Variants in PTPRN2 observed in about 807,000 individuals in gnomAD.
PTPRN2 encodes protein tyrosine phosphatase receptor type N2.
In PTPRN2, 74 loss-of-function variants were observed where a neutral mutation model predicts 118.8. That is an observed-to-expected ratio of 0.62 (90% confidence interval 0.52 to 0.76). The LOEUF is 0.76. Ranked by LOEUF, PTPRN2 falls within the 30% of genes least tolerant of loss-of-function variation. The pLI is 0.00. For missense variants in PTPRN2, 1,481 were observed against 1,394.4 expected (o/e 1.06, Z -0.99); for synonymous variants, 641 against 608.0 (o/e 1.05, Z -0.80).
At chr7:157,733,881 T>C (rs866001509) in intron 12 of PTPRN2, among the ~76,000 whole-genome samples, 14 of 35,430 alleles carry the variant, frequency 4.0e-4, no homozygotes, top group Admixed American at 5.4e-4. Context: ...CTCTTTTCCG[T>C]CCCATGCGCC....
intron 3 of PTPRN2, among the ~76,000 whole-genome samples, chr7:158,206,306 A>C (rs910985398): frequency 4.6e-5 from 7 of 152,286 alleles, no homozygotes; most frequent in African/African-American, 1.7e-4. Context: ...CTCCCAGGTG[A>C]CATTTCTAGA....
chr7:158,019,710 C>T (rs1447409931), intron 11 of PTPRN2, among the ~76,000 whole-genome samples: 1 of 152,090 alleles, frequency 6.6e-6, no homozygotes, highest in Admixed American at 6.5e-5. Flanking sequence ...GGGCTGTGTC[C>T]CCTCCAAGTC....
At chr7:158,288,591 C>T (rs141340343) in intron 3 of PTPRN2, among the ~76,000 whole-genome samples, 2,267 of 152,238 alleles carry the variant, frequency 0.015, 68 homozygotes, top group African/African-American at 0.05. Flanking sequence ...ACCCACCCCA[C>T]GCATAAACTT....
intron 13 of PTPRN2, among the ~76,000 whole-genome samples, chr7:157,681,518 C>T (rs1269303853): frequency 2.0e-5 from 3 of 152,220 alleles, no homozygotes; most frequent in Admixed American, 6.5e-5. Flanking sequence ...TGACCCTCTC[C>T]AGAAAACTGG....
chr7:157,742,910 C>T (rs1800715428), intron 12 of PTPRN2, among the ~76,000 whole-genome samples: 1 of 152,178 alleles, frequency 6.6e-6, no homozygotes, highest in Non-Finnish European at 1.5e-5. Flanking sequence ...AGGAAGAGGA[C>T]CATCCCACTA....
At chr7:157,786,707 G>C (rs1804061632) in intron 12 of PTPRN2, among the ~76,000 whole-genome samples, 1 of 152,276 alleles carries the variant, frequency 6.6e-6, no homozygotes, top group African/African-American at 2.4e-5. Context: ...ATTGCAATGT[G>C]TTTGGAAACA....
chr7:157,563,156 G>A (rs1246148788), intron 21 of PTPRN2, among the ~76,000 whole-genome samples: 14 of 112,326 alleles, frequency 1.2e-4, no homozygotes, highest in Admixed American at 6.1e-4. Flanking sequence ...TCAGGACCAC[G>A]TGCTCCCACG....
intron 20 of PTPRN2, among the ~76,000 whole-genome samples, chr7:157,571,130 G>T (rs1266694166): frequency 6.7e-6 from 1 of 148,866 alleles, no homozygotes; most frequent in Non-Finnish European, 1.5e-5. Flanking sequence ...GCAATCGCTT[G>T]ATCCCGGGAG....
chr7:157,857,377 A>G (rs1282391223), intron 12 of PTPRN2: 1 of 152,254 alleles, frequency 6.6e-6, no homozygotes, highest in Non-Finnish European at 1.5e-5. Context: ...GGCCAGGAGC[A>G]TCCCCTAGGG....
At chr7:158,143,183 A>G (rs546752178) in intron 6 of PTPRN2, among the ~76,000 whole-genome samples, 3 of 152,340 alleles carry the variant, frequency 2.0e-5, no homozygotes, top group Admixed American at 2.0e-4. Context: ...CATCCCAAAG[A>G]AAATGGAAAT....
chr7:157,887,776 TCC>T, intron 12 of PTPRN2, among the ~76,000 whole-genome samples: 1 of 25,404 alleles, frequency 3.9e-5, no homozygotes, highest in South Asian at 2.8e-3. Flanking sequence ...CAGTACCTGC[TCC>T]CCCAGTACTC....
chr7:158,147,481 C>T (rs879035967), intron 6 of PTPRN2, among the ~76,000 whole-genome samples: 2 of 103,878 alleles, frequency 1.9e-5, no homozygotes, highest in African/African-American at 5.1e-5. Flanking sequence ...TGTCTTTCCC[C>T]CTCACTGACA....
chr7:158,536,381 G>A lies in PTPRN2; in HGVS notation c.113-46596C>T, dbSNP rs1825644577. Among the ~76,000 whole-genome samples the A allele has an allele frequency of 4.6e-5, 7 of 152,284 alleles. No individual in the cohort carries two copies. In the South Asian group the frequency reaches 1.5e-3, roughly 32 times the overall value. On this transcript the variant is annotated intron_variant, in intron 1 of 22. Coordinates refer to ENST00000389418, the MANE Select transcript of PTPRN2 (RefSeq NM_002847.5). ...CCCTGCCTTGTCTATTGTGCACCAGGCACACATGAAGACACAAGGGCCTTC... is the reference window on the plus strand; with the variant it reads ...CCCTGCCTTGTCTATTGTGCACCAGACACACATGAAGACACAAGGGCCTTC...
rs193040663 is a variant in PTPRN2 at position 157,694,556 on chromosome 7, G to A, written c.1789-11619C>T. On this transcript the variant is annotated intron_variant, in intron 12 of 22. Coordinates refer to ENST00000389418, the MANE Select transcript of PTPRN2 (RefSeq NM_002847.5). ...AGAACGCGTTTGTATTTGAGGTGCT[G>A]GTTCTTTTAGTCTATTGCTTCAGAA... 5.3e-5 allele frequency among the ~76,000 whole-genome samples: 8 copies of A among 152,242 alleles called. No individual in the cohort carries two copies. The East Asian group carries it at 1.3e-3, about 26-fold the overall frequency.
At chr7:158,199,980 A>T (rs1170494229) in intron 4 of PTPRN2, among the ~76,000 whole-genome samples, 1 of 152,236 alleles carries the variant, frequency 6.6e-6, no homozygotes, top group Non-Finnish European at 1.5e-5. Flanking sequence ...TGATGGCCAC[A>T]AATTAAATCC....
Position 157,787,832 on chromosome 7 carries a change from G to T in PTPRN2, c.1789-104895C>A, listed in dbSNP as rs750438650. Among the ~76,000 whole-genome samples, 6 of 152,182 alleles carry T rather than the reference G, an allele frequency of 3.9e-5. No homozygotes were observed. The highest frequency in any genetic ancestry group is 9.7e-5 in the African/African-American group (4 of 41,438). On this transcript the variant is annotated intron_variant, in intron 12 of 22. Coordinates refer to ENST00000389418, the MANE Select transcript of PTPRN2 (RefSeq NM_002847.5). This position sits in a 1 kb window ranked among gnomAD's most constrained non-coding sequence, Gnocchi z 5.3. ...CCCGTCCAAGCTGCCAAGGGCTGGGGTGGGCTGTTCCCCTCTTGGCATCTC... is the reference window on the plus strand; with the variant it reads ...CCCGTCCAAGCTGCCAAGGGCTGGGTTGGGCTGTTCCCCTCTTGGCATCTC...
At position 157,979,205 on chromosome 7, in the gene PTPRN2, G is replaced by C. The variant is rs1418321642; in HGVS notation, c.1724-80468C>G. Among the ~76,000 whole-genome samples the C allele has an allele frequency of 1.3e-4, 20 of 150,470 alleles. 2 individuals are homozygous for C. Among genetic ancestry groups the C allele is most frequent in the Non-Finnish European group, 1.5e-5 (1 of 67,150 alleles). ...ATGGCTAATGAATGTCTGCTGAATG[G>C]ATAGAAAAAAAAAGAAAAATGTTTT... is the stretch of plus-strand genomic sequence containing the variant. On this transcript the variant is annotated intron_variant, in intron 11 of 22. Transcript: ENST00000389418.
chr7:158,236,770 G>C (rs1009854761), intron 3 of PTPRN2, among the ~76,000 whole-genome samples: 1 of 136,754 alleles, frequency 7.3e-6, no homozygotes, highest in Non-Finnish European at 1.5e-5. Context: ...GGTAGAACCT[G>C]TCCCTGCCCG....
At chr7:158,481,489 G>C (rs1820635001) in intron 2 of PTPRN2, among the ~76,000 whole-genome samples, 1 of 152,332 alleles carries the variant, frequency 6.6e-6, no homozygotes, top group South Asian at 2.1e-4. Context: ...TTTTGAGGTA[G>C]AGTCTTGCTC....
Sources: allele counts gnomAD v4.1 joint callset (sites outside exome capture counted in the v4.1 genomes callset), GRCh38; gene constraint gnomAD v4.1.1; non-coding constraint Gnocchi (gnomAD v3.1); transcripts MANE v1.5; gene names NCBI Gene and HGNC (gene_info 2026-07-23, HGNC 2026-07-21).